LARS2: variants seen among roughly 807,000 people sequenced by gnomAD.
LARS2 encodes the protein leucine--tRNA ligase, mitochondrial.
In LARS2, 81 loss-of-function variants were observed where a neutral mutation model predicts 116.6. That is an observed-to-expected ratio of 0.69 (90% CI 0.58 to 0.84). LARS2 has a LOEUF of 0.84. Among genes scored for constraint, LARS2 ranks in the 40% least tolerant of loss-of-function variants. The pLI is 0.00. For missense variants in LARS2, 968 were observed against 1,114.5 expected (o/e 0.87, Z 1.87); for synonymous variants, 396 against 407.2 (o/e 0.97, Z 0.33).
chr3:45,543,450 A>C (rs1378898413), intron 21 of LARS2, among the ~76,000 whole-genome samples: 2 of 142,544 alleles, frequency 1.4e-5, no homozygotes, highest in South Asian at 4.5e-4. Context: ...CCAACCCAGA[A>C]TTTTTTTTTT....
intron 7 of LARS2, 108 bp from the exon 8 acceptor site, chr3:45,458,635 C>A: frequency 9.2e-7 from 1 of 1,087,316 alleles, no homozygotes; most frequent in Non-Finnish European, 1.4e-6. Flanking sequence ...TGCAGTGAGT[C>A]GAGATCACGC....
At chr3:45,475,614 C>A (rs1361586689) in intron 9 of LARS2, among the ~76,000 whole-genome samples, 1 of 152,218 alleles carries the variant, frequency 6.6e-6, no homozygotes, top group East Asian at 1.9e-4. Context: ...ACACTTTCTT[C>A]TTTGCCCAAC....
At chr3:45,445,899 A>G (rs1349266049) in intron 6 of LARS2, among the ~76,000 whole-genome samples, 1 of 152,160 alleles carries the variant, frequency 6.6e-6, no homozygotes, top group Non-Finnish European at 1.5e-5. Context: ...CACTTTTGGT[A>G]AAAGTACGCT....
intron 6 of LARS2, among the ~76,000 whole-genome samples, chr3:45,420,770 C>CA (rs1047035878): frequency 1.3e-5 from 2 of 151,990 alleles, no homozygotes; most frequent in Admixed American, 6.6e-5. Context: ...TCCTTGAGGG[C>CA]AAAAATGGAC....
At chr3:45,473,785 T>C (rs114240014) in intron 8 of LARS2, among the ~76,000 whole-genome samples, 2,054 of 152,112 alleles carry the variant, frequency 0.014, 31 homozygotes, top group African/African-American at 0.047. Context: ...CTTATATATT[T>C]ATAAAATTAA....
intron 10 of LARS2, chr3:45,483,842 A>G (rs1257657133): frequency 2.0e-5 from 3 of 152,052 alleles, no homozygotes; most frequent in Non-Finnish European, 4.4e-5. Flanking sequence ...GCTTCCTGAC[A>G]CCCAAGGTGA....
At chr3:45,513,446 C>A (rs1220606625) in intron 16 of LARS2, among the ~76,000 whole-genome samples, 2 of 152,240 alleles carry the variant, frequency 1.3e-5, no homozygotes, top group African/African-American at 4.8e-5. Flanking sequence ...CTGCTGCAGC[C>A]CCCTTCAGCC....
intron 9 of LARS2, among the ~76,000 whole-genome samples, chr3:45,474,725 G>A (rs1188365347): frequency 6.6e-6 from 1 of 152,084 alleles, no homozygotes; most frequent in African/African-American, 2.4e-5. Flanking sequence ...TACCATATTG[G>A]ACAGCACAGA....
At position 45,452,384 on chromosome 3, in the gene LARS2, A is replaced by AT. The variant is rs34625109; in HGVS notation, c.606+5416dup. 1.4e-3 allele frequency among the ~76,000 whole-genome samples: 202 copies of AT among 146,968 alleles called. 3 individuals carry two copies. In the South Asian group the frequency reaches 0.025, roughly 18 times the overall value. On this transcript the variant is annotated intron_variant, in intron 7 of 21. Coordinates refer to ENST00000645846, the MANE Select transcript of LARS2 (RefSeq NM_015340.4). Reference sequence around the variant, plus strand: ...CCTACTATACCCGATTTGTTGAGGTATTTTTTTTTTTTATCATGAAGGATG... The same window carrying AT: ...CCTACTATACCCGATTTGTTGAGGTATTTTTTTTTTTTTATCATGAAGGATG...
At chr3:45,413,129 G>A (rs1347220528) in intron 4 of LARS2, among the ~76,000 whole-genome samples, 1 of 152,218 alleles carries the variant, frequency 6.6e-6, no homozygotes, top group East Asian at 1.9e-4. Flanking sequence ...AACTTCCAAT[G>A]CCTAGCACCA....
intron 16 of LARS2, among the ~76,000 whole-genome samples, chr3:45,514,583 C>A (rs530634844): frequency 1.3e-5 from 2 of 152,166 alleles, no homozygotes; most frequent in Admixed American, 1.3e-4. Flanking sequence ...CTGTAACAGG[C>A]AAGGCTGCCC....
chr3:45,527,998 C>T (rs79525952), intron 20 of LARS2, among the ~76,000 whole-genome samples: 2,096 of 152,276 alleles, frequency 0.014, 29 homozygotes, highest in African/African-American at 0.048. Flanking sequence ...CCATCACCCT[C>T]TAGAAATAAA....
At chr3:45,447,594 A>C (rs1699044281) in intron 7 of LARS2, among the ~76,000 whole-genome samples, 1 of 152,224 alleles carries the variant, frequency 6.6e-6, no homozygotes, top group Non-Finnish European at 1.5e-5. Flanking sequence ...GGGATAATGC[A>C]GCACAGAGGC....
intron 3 of LARS2, among the ~76,000 whole-genome samples, chr3:45,397,969 A>G (rs1698078972): frequency 6.6e-6 from 1 of 152,210 alleles, no homozygotes; most frequent in South Asian, 2.1e-4. Context: ...GGTTTTCCTA[A>G]GAGTTATAAA....
intron 7 of LARS2, among the ~76,000 whole-genome samples, chr3:45,451,366 G>T (rs115663321): frequency 6.6e-5 from 10 of 151,430 alleles, no homozygotes; most frequent in African/African-American, 2.4e-4. Flanking sequence ...AATCTATTTT[G>T]AGTTTTTTTT....
At chr3:45,454,870 C>G (rs1699188994) in intron 7 of LARS2, among the ~76,000 whole-genome samples, 1 of 152,146 alleles carries the variant, frequency 6.6e-6, no homozygotes, top group Non-Finnish European at 1.5e-5. Flanking sequence ...GGAAGCAACT[C>G]CAGGGCTTCA....
At chr3:45,534,943 C>G (rs1278839574) in intron 20 of LARS2, among the ~76,000 whole-genome samples, 1 of 152,152 alleles carries the variant, frequency 6.6e-6, no homozygotes, top group Non-Finnish European at 1.5e-5. Context: ...ATAATATTGT[C>G]CTATCTAGAT....
chr3:45,482,044 C>A (rs1306001143), intron 10 of LARS2, among the ~76,000 whole-genome samples: 1 of 152,140 alleles, frequency 6.6e-6, no homozygotes, highest in Non-Finnish European at 1.5e-5. Context: ...AAGGGTCCAA[C>A]TTCATTCTTT....
intron 6 of LARS2, among the ~76,000 whole-genome samples, chr3:45,428,266 T>TA (rs1698631815): frequency 1.0e-5 from 1 of 95,782 alleles, no homozygotes; most frequent in South Asian, 3.8e-4. Flanking sequence ...TTTTTTGAGA[T>TA]GGATTCTTGC....
Sources: gnomAD v4.1 joint callset for allele counts (sites outside exome capture counted in the v4.1 genomes callset) on GRCh38, gnomAD v4.1.1 for gene constraint, MANE v1.5 for transcripts, NCBI Gene and HGNC (gene_info 2026-07-23, HGNC 2026-07-21) for gene names.